ORC3: variants seen among roughly 807,000 people sequenced by gnomAD.
The protein encoded by ORC3 is origin recognition complex subunit 3.
ORC3 carries 78 observed loss-of-function variants against 100.7 expected under a neutral mutation model. The observed-to-expected ratio is 0.77, with a 90% CI of 0.65 to 0.94. The LOEUF is 0.94. Ranked by LOEUF, ORC3 falls within the 40% of genes least tolerant of loss-of-function variation. The pLI, the probability that ORC3 is intolerant of heterozygous loss-of-function variation, is 0.00. For missense variants in ORC3, 789 were observed against 823.9 expected (o/e 0.96, Z 0.52); for synonymous variants, 295 against 289.3 (o/e 1.02, Z -0.20).
At chr6:87,608,545 C>G (rs999530513) in intron 6 of ORC3, among the ~76,000 whole-genome samples, 1 of 152,160 alleles carries the variant, frequency 6.6e-6, no homozygotes, top group African/African-American at 2.4e-5. Flanking sequence ...AGGGACTAAA[C>G]TACGTCTAAT....
intron 14 of ORC3, 80 bp downstream of exon 14, chr6:87,653,329 A>G (rs1769423364): frequency 4.5e-6 from 6 of 1,345,788 alleles, no homozygotes; most frequent in Non-Finnish European, 6.3e-6. Flanking sequence ...CCACCTTCTG[A>G]TGTGCTTAGA....
At chr6:87,616,721 C>A (rs985796507) in intron 9 of ORC3, among the ~76,000 whole-genome samples, 8 of 151,858 alleles carry the variant, frequency 5.3e-5, no homozygotes, top group Admixed American at 2.0e-4. Context: ...CTCATGAGAG[C>A]TTATGGACTT....
chr6:87,635,535 G>A (rs1767747790), intron 12 of ORC3, among the ~76,000 whole-genome samples: 1 of 152,124 alleles, frequency 6.6e-6, no homozygotes, highest in Admixed American at 6.5e-5. Context: ...AGTGACTCAC[G>A]CCTGTAATCC....
intron 11 of ORC3, among the ~76,000 whole-genome samples, chr6:87,627,317 AG>A (rs1779990659): frequency 2.0e-5 from 1 of 49,984 alleles, no homozygotes; most frequent in Non-Finnish European, 3.9e-5. Flanking sequence ...TTTTTTTTTG[AG>A]GGGGTCTCGC....
chr6:87,650,279 C>G (rs917479493), intron 13 of ORC3, among the ~76,000 whole-genome samples: 8 of 152,204 alleles, frequency 5.3e-5, no homozygotes, highest in East Asian at 1.9e-4. Flanking sequence ...TGGTCTCAAA[C>G]ATCTGGGCTC....
At chr6:87,659,058 A>ATTTTT (rs71021316) in intron 16 of ORC3, among the ~76,000 whole-genome samples, 4 of 93,284 alleles carry the variant, frequency 4.3e-5, no homozygotes, top group Non-Finnish European at 5.9e-5. Context: ...GTTTATTGTA[A>ATTTTT]TTTTTTTTTT....
intron 11 of ORC3, among the ~76,000 whole-genome samples, chr6:87,624,737 G>T (rs987293195): frequency 2.6e-5 from 4 of 151,800 alleles, no homozygotes; most frequent in African/African-American, 7.3e-5. Context: ...GTACATATGC[G>T]CAACGTGCAG....
At chr6:87,594,003 T>A (rs1777237950) in intron 1 of ORC3, among the ~76,000 whole-genome samples, 1 of 152,216 alleles carries the variant, frequency 6.6e-6, no homozygotes, top group Non-Finnish European at 1.5e-5. Context: ...CCCATTTTAA[T>A]GTGTAGTATT....
intron 15 of ORC3, 26 bp downstream of exon 15, chr6:87,657,008 C>G (rs1364999191): frequency 7.0e-7 from 1 of 1,436,130 alleles, no homozygotes; most frequent in African/African-American, 1.4e-5. Flanking sequence ...TCCCTTCCAG[C>G]TGCATCCTGT....
At chr6:87,665,235 G>GA (rs199728995) in intron 18 of ORC3, among the ~76,000 whole-genome samples, 2 of 151,898 alleles carry the variant, frequency 1.3e-5, no homozygotes, top group African/African-American at 2.4e-5. Context: ...TTGCTTAAAA[G>GA]AAAAAAAATT....
At chr6:87,619,563 C>T (rs547916245) in intron 9 of ORC3, among the ~76,000 whole-genome samples, 4 of 152,244 alleles carry the variant, frequency 2.6e-5, no homozygotes, top group African/African-American at 4.8e-5. Flanking sequence ...TGCGCCACCA[C>T]GCCTGGCTAA....
intron 2 of ORC3, among the ~76,000 whole-genome samples, chr6:87,595,664 C>G (rs1300359035): frequency 1.3e-5 from 2 of 152,196 alleles, no homozygotes; most frequent in African/African-American, 4.8e-5. Context: ...TTCTCAATCA[C>G]TCTTCATTTC....
intron 10 of ORC3, 37 bp downstream of exon 10, chr6:87,621,524 T>C: frequency 7.0e-7 from 1 of 1,419,550 alleles, no homozygotes; most frequent in Non-Finnish European, 9.5e-7. Flanking sequence ...CATACTATAC[T>C]AGAATTTGGT....
the ORC3 span, among the ~76,000 whole-genome samples, chr6:87,677,286 A>C: frequency 6.6e-6 from 1 of 152,166 alleles, no homozygotes; most frequent in African/African-American, 2.4e-5. Flanking sequence ...CTCTACATTA[A>C]CACCTCTATA....
intron 13 of ORC3, among the ~76,000 whole-genome samples, chr6:87,647,617 C>G (rs979671866): frequency 6.6e-6 from 1 of 152,204 alleles, no homozygotes; most frequent in Non-Finnish European, 1.5e-5. Flanking sequence ...TCCCAGCTCT[C>G]CCACTAGAAT....
chr6:87,608,185 T>C (rs1294753337), intron 6 of ORC3, among the ~76,000 whole-genome samples: 1 of 152,196 alleles, frequency 6.6e-6, no homozygotes, highest in African/African-American at 2.4e-5. Context: ...GTTTGCTTTG[T>C]CCAATAGAAC....
chr6:87,621,264 T>TAAAA, intron 9 of ORC3, 90 bp from the exon 10 acceptor site: 1 of 984,038 alleles, frequency 1.0e-6, no homozygotes, highest in Non-Finnish European at 1.4e-6. Context: ...TTTGGCTCTT[T>TAAAA]AAAAAAATCC....
intron 14 of ORC3, 113 bp downstream of exon 14, chr6:87,653,362 T>TG: frequency 1.1e-6 from 1 of 941,220 alleles, no homozygotes; most frequent in East Asian, 2.4e-5. Context: ...AAGTAGTTCA[T>TG]GATCAGTCAG....
intron 6 of ORC3, 75 bp downstream of exon 6, chr6:87,607,899 A>G: frequency 1.0e-6 from 1 of 995,794 alleles, no homozygotes; most frequent in Non-Finnish European, 1.5e-6. Context: ...ATTAGACAGT[A>G]CTGTTTTGAT....
Sources: gnomAD v4.1 joint callset for allele counts (sites outside exome capture counted in the v4.1 genomes callset) on GRCh38, gnomAD v4.1.1 for gene constraint, MANE v1.5 for transcripts, NCBI Gene and HGNC (gene_info 2026-07-23, HGNC 2026-07-21) for gene names.